NT5C1A: variants seen among roughly 807,000 people sequenced by gnomAD.
NT5C1A encodes the protein cytosolic 5'-nucleotidase 1A.
In NT5C1A, 18 loss-of-function variants were observed where a neutral mutation model predicts 31.0. That is an observed-to-expected ratio of 0.58 (90% CI 0.40 to 0.86). NT5C1A has a LOEUF of 0.86. Ranked by LOEUF, NT5C1A falls within the 40% of genes least tolerant of loss-of-function variation. The pLI, the probability that NT5C1A is intolerant of heterozygous loss-of-function variation, is 0.00. For synonymous variants in NT5C1A, 185 were observed against 203.6 expected (o/e 0.91, Z 0.78); for missense variants, 470 against 505.4 (o/e 0.93, Z 0.67).
rs147397872 is a variant in NT5C1A, at chr1:39,668,945, G to A, written c.136-2709C>T. Among the ~76,000 whole-genome samples the A allele has an allele frequency of 3.3e-3, 499 of 152,360 alleles. 2 individuals are homozygous for A. Among genetic ancestry groups the A allele is most frequent in the African/African-American group, 0.012 (487 of 41,584 alleles). ...TGAATGACCTGTCCAGGCTCCAGGT[G>A]GAGCTGAAGGAGCAGGTGAAATGGG... On this transcript the variant is annotated intron_variant, in intron 1 of 5. Coordinates refer to ENST00000235628, the MANE Select transcript of NT5C1A (RefSeq NM_032526.3).
rs61024293 is a variant in NT5C1A, at chr1:39,652,030, CAAAAAAAAAAAAAAAAAAAAAA to C, written c.*7069_*7090del. 4.5e-4 allele frequency among the ~76,000 whole-genome samples: 17 copies of C among 37,852 alleles called. No homozygotes were observed. In the South Asian group the frequency reaches 6.6e-3, roughly 15 times the overall value. The allele number at this position is 37,852 out of a possible 152,430, so 24.8% of individuals were successfully genotyped here. Reference sequence around the variant, plus strand: ...TGAGTGACAGAGCAAGACTCCGTCTCAAAAAAAAAAAAAAAAAAAAAAAAAAAAAAAAAAAAAGAAGTTTGTA... The same window carrying C: ...TGAGTGACAGAGCAAGACTCCGTCTCAAAAAAAAAAAAAAAGAAGTTTGTA... On this transcript the variant is annotated 3_prime_UTR_variant, in exon 6 of 6. Transcript: ENST00000235628.
chr1:39,665,482 G>A, intron 3 of NT5C1A, 39 bp downstream of exon 3: 1 of 1,576,976 alleles, frequency 6.3e-7, no homozygotes, highest in South Asian at 1.2e-5. Context: ...TGGTAGGGGT[G>A]TCCCAGGGCA....
At chr1:39,671,872 C>G (rs769475314) in intron 1 of NT5C1A, 32 bp downstream of exon 1, 2 of 1,611,482 alleles carry the variant, frequency 1.2e-6, no homozygotes, top group Non-Finnish European at 1.7e-6. Context: ...AACCCTTCCC[C>G]CGTCCCCCGC....
intron 5 of NT5C1A, among the ~76,000 whole-genome samples, 165 bp from the exon 6 acceptor site, chr1:39,659,651 G>A (rs1333594678): frequency 1.3e-5 from 2 of 152,200 alleles, no homozygotes; most frequent in African/African-American, 2.4e-5. Flanking sequence ...GTGCACCAGC[G>A]CGGCTCTAGT....
chr1:39,658,848 C>A lies in NT5C1A; in HGVS notation c.*273G>T, dbSNP rs996327623. Among the ~76,000 whole-genome samples, 1 of 150,524 alleles carries A rather than the reference C, an allele frequency of 6.6e-6. No homozygotes were observed. The highest frequency in any genetic ancestry group is 2.4e-5 in the African/African-American group (1 of 41,318). ...AATCCTGGCTTCTCTGACCCTCCCC[C>A]TCTCAGACCCATTAACTTCCCCCCT... On this transcript the variant is annotated 3_prime_UTR_variant, in exon 6 of 6. Coordinates refer to ENST00000235628, the MANE Select transcript of NT5C1A (RefSeq NM_032526.3).
chr1:39,666,126 G>C lies in NT5C1A; in HGVS notation c.246C>G (p.Tyr82Ter). ...AGGGTTCGTTCTCATGTTCCAGCTG[G>C]TAGCGCACGTACTCCTCCACGCCCT... ...TEQGVEEYVR[Y>*]QLEHENEPFS... The change falls in exon 2 of 6, where the codon TAC (tyrosine) becomes TAG (stop). Residue 82 changes from tyrosine to a stop codon, truncating the protein, a stop_gained. Coordinates refer to ENST00000235628, the MANE Select transcript of NT5C1A (RefSeq NM_032526.3). LOFTEE classifies it high-confidence loss of function. 6.2e-7 allele frequency: 1 copy of C among 1,613,688 alleles called. No homozygotes were observed. Among genetic ancestry groups the C allele is most frequent in the Non-Finnish European group, 8.5e-7 (1 of 1,180,002 alleles).
At position 39,656,513 on chromosome 1, in the gene NT5C1A, G is replaced by C. The variant is rs1646459937; in HGVS notation, c.*2608C>G. Among the ~76,000 whole-genome samples the C allele has an allele frequency of 6.6e-6, 1 of 152,208 alleles. No homozygotes were observed. Among genetic ancestry groups the C allele is most frequent in the African/African-American group, 2.4e-5 (1 of 41,440 alleles). On this transcript the variant is annotated 3_prime_UTR_variant, in exon 6 of 6. Coordinates refer to ENST00000235628, the MANE Select transcript of NT5C1A (RefSeq NM_032526.3). ...CCCAGGGCTGTCTGTGTCTATTAAT[G>C]ATGGCTCCAGTGAAATCCATGGCTT... is the stretch of plus-strand genomic sequence containing the variant.
rs1646439500 is a variant in NT5C1A, at chr1:39,652,912, G to C, written c.*6209C>G. 1.3e-5 allele frequency among the ~76,000 whole-genome samples: 2 copies of C among 151,980 alleles called. No homozygotes were observed. The highest frequency in any genetic ancestry group is 4.2e-4 in the South Asian group (2 of 4,804). On this transcript the variant is annotated 3_prime_UTR_variant, in exon 6 of 6. Coordinates refer to ENST00000235628, the MANE Select transcript of NT5C1A (RefSeq NM_032526.3). ...TTGGGCAGGGCTGGTAGTGGGGAGG[G>C]AAGGCAACTTTCGTAGCCATGGCCA...
chr1:39,668,215 C>G (rs1646533388), intron 1 of NT5C1A, among the ~76,000 whole-genome samples: 1 of 152,210 alleles, frequency 6.6e-6, no homozygotes, highest in African/African-American at 2.4e-5. Flanking sequence ...GGAACAGGAG[C>G]TGAGCTTGCT....
chr1:39,671,904 C>A lies in NT5C1A; in HGVS notation c.135G>T (p.Ser45=). ...DNLAPKKKPK[S]PKPQNAVTIA... is the part of the protein sequence containing the mutation. ...CCGCATACCCGTGCATTGCTTTTAC[C>A]GATTTGGGTTTCTTCTTGGGCGCGA... The change falls in exon 1 of 6, where the codon TCG becomes TCT. Residue 45 remains serine, a splice_region_variant and synonymous_variant. Coordinates refer to ENST00000235628, the MANE Select transcript of NT5C1A (RefSeq NM_032526.3). 1 of 1,613,486 alleles carries A rather than the reference C, an allele frequency of 6.2e-7. No homozygotes were observed.
At position 39,658,784 on chromosome 1, in the gene NT5C1A, C is replaced by T. The variant is rs561875903; in HGVS notation, c.*337G>A. On this transcript the variant is annotated 3_prime_UTR_variant, in exon 6 of 6. Transcript: ENST00000235628. Reference sequence around the variant, plus strand: ...CTCTCCCATAGCAGTGTTGTTTACACCACATTGAGCTAGTTTTCATCCTAA... The same window carrying T: ...CTCTCCCATAGCAGTGTTGTTTACATCACATTGAGCTAGTTTTCATCCTAA... 6.6e-6 allele frequency among the ~76,000 whole-genome samples: 1 copy of T among 152,296 alleles called. No homozygotes were observed. Among genetic ancestry groups the T allele is most frequent in the South Asian group, 2.1e-4 (1 of 4,820 alleles).
rs1383546527 is a variant in NT5C1A, at chr1:39,655,228, C to T, written c.*3893G>A. Among the ~76,000 whole-genome samples, 1 of 152,244 alleles carries T rather than the reference C, an allele frequency of 6.6e-6. No homozygotes were observed. Among genetic ancestry groups the T allele is most frequent in the Non-Finnish European group, 1.5e-5 (1 of 68,038 alleles). ...GTGCTGGGATTACAGGCATGAGCCACTGTGCCTGGCCCCAGTCAAAGTTTC... is the reference window on the plus strand; with the variant it reads ...GTGCTGGGATTACAGGCATGAGCCATTGTGCCTGGCCCCAGTCAAAGTTTC... On this transcript the variant is annotated 3_prime_UTR_variant, in exon 6 of 6. Transcript: ENST00000235628.
At chr1:39,665,466 G>C (rs539405524) in intron 3 of NT5C1A, 55 bp downstream of exon 3, 1 of 1,542,834 alleles carries the variant, frequency 6.5e-7, no homozygotes, top group South Asian at 1.3e-5. Flanking sequence ...CCATCCCTGG[G>C]GGGTCTGGTA....
intron 5 of NT5C1A, among the ~76,000 whole-genome samples, chr1:39,659,688 G>A (rs948735058): frequency 6.6e-6 from 1 of 152,156 alleles, no homozygotes; most frequent in Non-Finnish European, 1.5e-5. Flanking sequence ...TTGTATATTG[G>A]TGCTGGGTCA....
At chr1:39,663,210 A>G in intron 4 of NT5C1A, 102 bp downstream of exon 4, 1 of 1,362,944 alleles carries the variant, frequency 7.3e-7, no homozygotes, top group South Asian at 1.3e-5. Context: ...TCTAGTTACC[A>G]TGGCAACTCC....
At chr1:39,659,528 C>G in intron 5 of NT5C1A, 42 bp from the exon 6 acceptor site, 1 of 1,517,310 alleles carries the variant, frequency 6.6e-7, no homozygotes, top group Non-Finnish European at 8.8e-7. Flanking sequence ...CTACCACCTC[C>G]TAAATATTTG....
chr1:39,661,777 C>A (rs976745640), intron 4 of NT5C1A, among the ~76,000 whole-genome samples: 10 of 152,202 alleles, frequency 6.6e-5, no homozygotes, highest in African/African-American at 2.4e-4. Context: ...TTGGTTCTAG[C>A]AAGTCACTCA....
intron 1 of NT5C1A, among the ~76,000 whole-genome samples, chr1:39,669,880 TAAAATAAAAATG>T (rs1646541496): frequency 2.0e-5 from 3 of 152,208 alleles, no homozygotes; most frequent in African/African-American, 7.2e-5. Flanking sequence ...GTGATCTTTC[TAAAATAAAAATG>T]GGACCCAGTT....
At position 39,659,452 on chromosome 1, in the gene NT5C1A, C is replaced by T. The variant is rs544362298; in HGVS notation, c.776G>A (p.Arg259Lys). 6.3e-7 allele frequency: 1 copy of T among 1,594,878 alleles called. No individual in the cohort carries two copies. Among genetic ancestry groups the T allele is most frequent in the Non-Finnish European group, 8.6e-7 (1 of 1,168,316 alleles). Residue 259 changes from arginine (R) to lysine (K), a missense_variant, in exon 6 of 6, where the codon AGG becomes AAG. Arg to Lys is a conservative substitution (Grantham distance 26). Transcript: ENST00000235628. ...TTTGGAGTAGAACTTCTTCTGCAAC[C>T]TACCCAGTGCCTCCAGAAAGCCCTT... is the stretch of plus-strand genomic sequence containing the variant. ...PLKGFLEALG[R>K]LQKKFYSKGL...
Sources: allele counts gnomAD v4.1 joint callset (sites outside exome capture counted in the v4.1 genomes callset), GRCh38; gene constraint gnomAD v4.1.1; transcripts MANE v1.5; gene names NCBI Gene and HGNC (gene_info 2026-07-23, HGNC 2026-07-21).